ZNF385D: variants seen among roughly 807,000 people sequenced by gnomAD.
ZNF385D encodes the protein zinc finger protein 385D.
In ZNF385D, 15 loss-of-function variants were observed where a neutral mutation model predicts 35.8. The observed-to-expected ratio is 0.42, with a 90% CI of 0.28 to 0.64. The LOEUF is 0.64. ZNF385D is among the 30% of genes least tolerant of loss of function. The probability of loss-of-function intolerance (pLI) is 0.23; values close to 1 mark genes in which losing one functional copy is unlikely to be tolerated. For missense variants in ZNF385D, 474 were observed against 494.6 expected (o/e 0.96, Z 0.39); for synonymous variants, 212 against 186.8 (o/e 1.13, Z -1.10).
chr3:21,810,453 C>T (rs997218774), intron 3 of ZNF385D, among the ~76,000 whole-genome samples: 9 of 152,078 alleles, frequency 5.9e-5, no homozygotes, highest in Non-Finnish European at 1.3e-4. Flanking sequence ...AGCACACCAA[C>T]ATGGCACATG....
At chr3:22,002,645 T>C (rs1484810838) in intron 3 of ZNF385D, among the ~76,000 whole-genome samples, 5 of 151,998 alleles carry the variant, frequency 3.3e-5, no homozygotes, top group Admixed American at 3.3e-4. Context: ...AACCCTCAAA[T>C]TCTGCACATC....
At chr3:22,281,908 C>T (rs567197016) in intron 2 of ZNF385D, among the ~76,000 whole-genome samples, 1 of 152,018 alleles carries the variant, frequency 6.6e-6, no homozygotes, top group African/African-American at 2.4e-5. Context: ...TTTTTAATTA[C>T]CATTTCAATC....
intron 2 of ZNF385D, among the ~76,000 whole-genome samples, chr3:22,220,291 C>T (rs1164729503): frequency 3.9e-5 from 6 of 152,044 alleles, no homozygotes; most frequent in Non-Finnish European, 8.8e-5. Flanking sequence ...TCTTGAACTC[C>T]TGAGTTCAAG....
intron 2 of ZNF385D, among the ~76,000 whole-genome samples, chr3:22,283,256 C>T (rs1014698072): frequency 1.3e-5 from 2 of 152,084 alleles, no homozygotes; most frequent in African/African-American, 4.8e-5. Context: ...ACTCCACTGA[C>T]AGCTCTAGAC....
At chr3:21,721,196 G>T (rs577056539) in intron 1 of ZNF385D, among the ~76,000 whole-genome samples, 3 of 152,192 alleles carry the variant, frequency 2.0e-5, no homozygotes, top group East Asian at 3.9e-4. Flanking sequence ...CCCCTAAAAG[G>T]TCTCAGCCAG....
At chr3:21,874,969 T>C (rs1241017364) in intron 3 of ZNF385D, among the ~76,000 whole-genome samples, 2 of 142,786 alleles carry the variant, frequency 1.4e-5, no homozygotes, top group African/African-American at 5.2e-5. Context: ...TATTCATAAG[T>C]ATTTTATTAT....
rs147582472 is a variant in ZNF385D, at chr3:21,894,817, C to T, written c.326-229789G>A. On this transcript the variant is annotated intron_variant, in intron 3 of 5. Transcript: ENST00000494108. ...TGAGCATATAACTGCAGTGTTACAA[C>T]CCTTTCAGAAGAAACGTAGAGCTTG... Among the ~76,000 whole-genome samples the T allele has an allele frequency of 4.6e-3, 698 of 152,200 alleles. 6 individuals are homozygous for T. The highest frequency in any genetic ancestry group is 0.015 in the African/African-American group (631 of 41,522).
intron 2 of ZNF385D, among the ~76,000 whole-genome samples, chr3:22,201,942 C>G (rs1696825282): frequency 1.3e-5 from 2 of 151,628 alleles, no homozygotes; most frequent in Non-Finnish European, 2.9e-5. Context: ...AAATAAAGAT[C>G]AACAAGAAAA....
At chr3:21,875,376 T>C (rs1697911897) in intron 3 of ZNF385D, among the ~76,000 whole-genome samples, 1 of 152,084 alleles carries the variant, frequency 6.6e-6, no homozygotes, top group South Asian at 2.1e-4. Context: ...TCTTTCATTG[T>C]TTTTCTGGCA....
chr3:21,810,253 T>C (rs1423020495), intron 3 of ZNF385D, among the ~76,000 whole-genome samples: 3 of 151,978 alleles, frequency 2.0e-5, no homozygotes, highest in African/African-American at 7.3e-5. Context: ...AATCAGTGAA[T>C]CTAAAGACAG....
intron 3 of ZNF385D, among the ~76,000 whole-genome samples, chr3:21,824,941 ATTACT>A (rs1453137746): frequency 6.6e-6 from 1 of 152,192 alleles, no homozygotes; most frequent in Non-Finnish European, 1.5e-5. Flanking sequence ...TTCAAACAAA[ATTACT>A]TTTGTTAAAA....
intron 3 of ZNF385D, among the ~76,000 whole-genome samples, chr3:21,985,331 A>T: frequency 9.9e-6 from 1 of 100,934 alleles, no homozygotes; most frequent in South Asian, 3.6e-4. Flanking sequence ...ATTATTTTGA[A>T]ATACGTCCCA....
At position 22,330,833 on chromosome 3, in the gene ZNF385D, T is replaced by G. The variant is rs538948321; in HGVS notation, c.106+41617A>C. ...GTGTGCCTGCCTTTACTTTGCACTC[T>G]TTGTTCCTGTAACCCTGCAGGTTCC... On this transcript the variant is annotated intron_variant, in intron 2 of 5. Transcript: ENST00000494108. Among the ~76,000 whole-genome samples the G allele has an allele frequency of 3.3e-5, 5 of 152,346 alleles. No homozygotes were observed. In the East Asian group the frequency reaches 9.6e-4, roughly 29 times the overall value.
rs539509205 is a variant in ZNF385D at position 22,075,952 on chromosome 3, C to G, written c.325+92865G>C. On this transcript the variant is annotated intron_variant, in intron 3 of 5. Coordinates refer to the ZNF385D transcript ENST00000494108. ...CTCCGAATGTGGTGAGGATATTCTT[C>G]GCTTCTTTAATTCCCCATGCCCAAA... Among the ~76,000 whole-genome samples, 7 of 151,992 alleles carry G rather than the reference C, an allele frequency of 4.6e-5. No individual in the cohort carries two copies. In the East Asian group the frequency reaches 1.4e-3, roughly 29 times the overall value.
chr3:21,871,099 T>C (rs559331779), intron 3 of ZNF385D, among the ~76,000 whole-genome samples: 1 of 152,246 alleles, frequency 6.6e-6, no homozygotes, highest in African/African-American at 2.4e-5. Flanking sequence ...TGTGACCTCA[T>C]CTCTCAGTAC....
chr3:22,080,820 G>A (rs190576820), intron 3 of ZNF385D, among the ~76,000 whole-genome samples: 80 of 152,128 alleles, frequency 5.3e-4, no homozygotes, highest in African/African-American at 1.8e-3. Context: ...TGGGACCCCA[G>A]AGAACTAGCT....
chr3:21,982,369 T>C (rs1694518099), intron 3 of ZNF385D, among the ~76,000 whole-genome samples: 1 of 152,134 alleles, frequency 6.6e-6, no homozygotes, highest in African/African-American at 2.4e-5. Context: ...GCCTTTCTGA[T>C]TTGGCTCTTG....
At chr3:22,168,754 C>A (rs1706501267) in intron 3 of ZNF385D, 1 of 900,770 alleles carries the variant, frequency 1.1e-6, no homozygotes, top group African/African-American at 1.8e-5. Flanking sequence ...CTCACATCTG[C>A]AGGTACACAA....
chr3:22,127,944 T>G lies in ZNF385D; in HGVS notation c.325+40873A>C, dbSNP rs944342788. ...AGTAGTTTACATACCAGAACTGCAG[T>G]GTATCTGTCTGTGTACTTAATATTA... On this transcript the variant is annotated intron_variant, in intron 3 of 5. Coordinates refer to the ZNF385D transcript ENST00000494108. Among the ~76,000 whole-genome samples the G allele has an allele frequency of 7.9e-5, 12 of 152,302 alleles. No individual in the cohort carries two copies. The East Asian group carries it at 2.1e-3, about 27-fold the overall frequency.
Sources: allele counts gnomAD v4.1 joint callset (sites outside exome capture counted in the v4.1 genomes callset), GRCh38; gene constraint gnomAD v4.1.1; transcripts MANE v1.5; gene names NCBI Gene and HGNC (gene_info 2026-07-23, HGNC 2026-07-21).